SIN3A: variants seen among roughly 807,000 people sequenced by gnomAD.
The protein encoded by SIN3A is SIN3 transcription regulator family member A.
A neutral mutation model predicts 146.1 loss-of-function variants in SIN3A; 14 were observed. The ratio of observed to expected loss-of-function variants is 0.10; its 90% confidence interval spans 0.06 to 0.15. The LOEUF (loss-of-function observed/expected upper bound fraction) is 0.15, where lower values mean the gene tolerates loss of function less well. Ranked by LOEUF, SIN3A falls within the 10% of genes least tolerant of loss-of-function variation. The pLI, the probability that SIN3A is intolerant of heterozygous loss-of-function variation, is 1.00. For missense variants in SIN3A, 1,028 were observed against 1,576.0 expected (o/e 0.65, Z 5.89); for synonymous variants, 572 against 572.0 (o/e 1.00, Z 0.00).
chr15:75,391,196 A>G (rs1014603963), intron 15 of SIN3A, among the ~76,000 whole-genome samples: 5 of 152,202 alleles, frequency 3.3e-5, no homozygotes, highest in Admixed American at 6.5e-5. Context: ...GCCAGAATAA[A>G]GTTTTGAGTC....
At chr15:75,400,278 T>C in intron 11 of SIN3A, 122 bp from the exon 12 acceptor site, 1 of 614,786 alleles carries the variant, frequency 1.6e-6, no homozygotes, top group South Asian at 2.2e-5. Flanking sequence ...CTTCACAAAT[T>C]TCACCTTTAG....
chr15:75,394,642 C>T (rs2073270246), intron 14 of SIN3A, 38 bp downstream of exon 14: 3 of 1,530,456 alleles, frequency 2.0e-6, no homozygotes, highest in South Asian at 1.2e-5. Flanking sequence ...TAAATATAGA[C>T]TAGAGTCCTC....
At chr15:75,417,678 C>T (rs1417421312) in intron 3 of SIN3A, among the ~76,000 whole-genome samples, 1 of 152,112 alleles carries the variant, frequency 6.6e-6, no homozygotes, top group Non-Finnish European at 1.5e-5. Flanking sequence ...CACACCTGGC[C>T]AGGCATAGAT....
intron 16 of SIN3A, among the ~76,000 whole-genome samples, chr15:75,385,470 G>GTTTTA: frequency 6.6e-6 from 1 of 152,150 alleles, no homozygotes; most frequent in Non-Finnish European, 1.5e-5. Flanking sequence ...GACAATCTTA[G>GTTTTA]GAAACTAATG....
At position 75,400,170 on chromosome 15, in the gene SIN3A, AAG is replaced by A; in HGVS notation, c.1738-16_1738-15del. 2 of 1,434,954 alleles carry A rather than the reference AAG, an allele frequency of 1.4e-6. No individual in the cohort carries two copies. The highest frequency in any genetic ancestry group is 1.9e-6 in the Non-Finnish European group (2 of 1,025,728). The allele number at this position is 1,434,954 out of a possible 1,614,324, so 88.9% of individuals were successfully genotyped here. A position where few individuals can be genotyped will look rare whatever the true frequency, so the allele number is the denominator to read the frequency against. On this transcript the variant is annotated splice_polypyrimidine_tract_variant and intron_variant, in intron 11 of 20. Coordinates refer to ENST00000394947, the MANE Select transcript of SIN3A (RefSeq NM_001145358.2). ...ATCATTTAAAACCTTTGGGTAGAAG[AAG>A]AGAGACTGAAACAAAAGCCTAAAAA...
In SIN3A at chr15:75,451,020, C is replaced by G. The variant is rs562562458; in HGVS notation, c.-34+403G>C. On this transcript the variant is annotated intron_variant, in intron 1 of 20. Transcript: ENST00000394947. ...TGAATCTACACGCGGGAGACCCCCC[C>G]CTACCCCTCCCCGACCCCAGCAGGC... Among the ~76,000 whole-genome samples, 31 of 151,926 alleles carry G rather than the reference C, an allele frequency of 2.0e-4. 2 individuals carry two copies. In the South Asian group the frequency reaches 5.8e-3, roughly 28 times the overall value.
At chr15:75,404,922 T>C (rs1043803643) in intron 9 of SIN3A, among the ~76,000 whole-genome samples, 9 of 151,410 alleles carry the variant, frequency 5.9e-5, no homozygotes, top group Non-Finnish European at 1.0e-4. Flanking sequence ...AGGAGGAGGA[T>C]TGCCTGAGCC....
chr15:75,433,031 T>C (rs1188939776), intron 1 of SIN3A, among the ~76,000 whole-genome samples: 3 of 152,090 alleles, frequency 2.0e-5, no homozygotes, highest in African/African-American at 7.2e-5. Flanking sequence ...ACAGCGCGAC[T>C]GTCTCAAAAA....
chr15:75,381,511 C>G (rs1275292321), intron 18 of SIN3A, 102 bp downstream of exon 18: 2 of 818,342 alleles, frequency 2.4e-6, no homozygotes, highest in Non-Finnish European at 4.1e-6. Context: ...CTTAAACAGG[C>G]CTGAGGTGCC....
At chr15:75,414,117 T>C in intron 4 of SIN3A, 88 bp downstream of exon 4, 1 of 578,374 alleles carries the variant, frequency 1.7e-6, no homozygotes. Flanking sequence ...AGGAGCATCC[T>C]TTATCTTCCA....
chr15:75,379,020 C>T (rs899793048), intron 19 of SIN3A, among the ~76,000 whole-genome samples: 2 of 151,980 alleles, frequency 1.3e-5, no homozygotes, highest in African/African-American at 4.8e-5. Context: ...CTGCCTCAGC[C>T]TCCCGAGTAG....
At chr15:75,423,426 C>T (rs1401566637) in intron 2 of SIN3A, among the ~76,000 whole-genome samples, 1 of 152,122 alleles carries the variant, frequency 6.6e-6, no homozygotes, top group Non-Finnish European at 1.5e-5. Flanking sequence ...TGCCTGTAAT[C>T]CCAGCACTTT....
rs773094351 is a variant in SIN3A, at chr15:75,413,082, G to A, written c.474-37C>T. 3.2e-6 allele frequency: 5 copies of A among 1,558,706 alleles called. 1 individual carries two copies. The highest frequency in any genetic ancestry group is 1.2e-5 in the South Asian group (1 of 82,152). On this transcript the variant is annotated intron_variant, in intron 4 of 20. Transcript: ENST00000394947. ...CAAAAAGAAAAGTGATAAACTGTAAGCTTAACAAACACCCTGTTAAGAAAA... is the reference window on the plus strand; with the variant it reads ...CAAAAAGAAAAGTGATAAACTGTAAACTTAACAAACACCCTGTTAAGAAAA...
At chr15:75,393,741 T>A (rs4526985) in intron 14 of SIN3A, among the ~76,000 whole-genome samples, 2 of 151,882 alleles carry the variant, frequency 1.3e-5, no homozygotes, top group East Asian at 1.9e-4. Context: ...TGTGATTTAC[T>A]TTACTTCTGG....
chr15:75,404,777 A>C (rs984623220), intron 9 of SIN3A, among the ~76,000 whole-genome samples: 10 of 151,994 alleles, frequency 6.6e-5, no homozygotes, highest in Admixed American at 1.3e-4. Flanking sequence ...ATAAAAAAAA[A>C]ACAAAAAAAC....
chr15:75,374,410 A>G (rs1437542967), intron 20 of SIN3A, among the ~76,000 whole-genome samples: 2 of 152,220 alleles, frequency 1.3e-5, no homozygotes, highest in African/African-American at 4.8e-5. Context: ...AAAGTCTACA[A>G]TGTAATTCTT....
intron 16 of SIN3A, among the ~76,000 whole-genome samples, chr15:75,385,765 T>G (rs1370410093): frequency 6.6e-6 from 1 of 152,218 alleles, no homozygotes; most frequent in Non-Finnish European, 1.5e-5. Flanking sequence ...GTATGTGTAT[T>G]AGTAGATAAC....
At chr15:75,377,517 C>T (rs565030345) in intron 19 of SIN3A, among the ~76,000 whole-genome samples, 10 of 151,514 alleles carry the variant, frequency 6.6e-5, no homozygotes, top group African/African-American at 2.2e-4. Context: ...CCCAGCTATT[C>T]GGGAGGGTGA....
At chr15:75,402,085 C>T (rs926540275) in intron 9 of SIN3A, 115 bp from the exon 10 acceptor site, 13 of 673,238 alleles carry the variant, frequency 1.9e-5, no homozygotes, top group Non-Finnish European at 3.1e-5. Flanking sequence ...CAGCTCACTG[C>T]AGCCTCCCAT....
Sources: allele counts gnomAD v4.1 joint callset (sites outside exome capture counted in the v4.1 genomes callset), GRCh38; gene constraint gnomAD v4.1.1; transcripts MANE v1.5; gene names NCBI Gene and HGNC (gene_info 2026-07-23, HGNC 2026-07-21).